The following PXN variants were observed in gnomAD, a reference collection of about 807,000 sequenced individuals.
PXN encodes testicular tissue protein Li 134.
A neutral mutation model predicts 103.6 loss-of-function variants in PXN; 61 were observed. That is an observed-to-expected ratio of 0.59 (90% CI 0.48 to 0.73). The LOEUF is 0.73. Ranked by LOEUF, PXN falls within the 30% of genes least tolerant of loss-of-function variation. The pLI is 0.00. For missense variants in PXN, 1,274 were observed against 1,460.3 expected, an observed-to-expected ratio of 0.87 and a Z score of 2.08; for synonymous variants, 562 against 607.8, an observed-to-expected ratio of 0.92 and a Z score of 1.11.
chr12:120,244,590 G>A (rs538878682), intron 1 of PXN, among the ~76,000 whole-genome samples: 4 of 151,636 alleles, frequency 2.6e-5, no homozygotes, highest in East Asian at 3.9e-4. Flanking sequence ...GGAGCTTGCA[G>A]TGAGCAGAGA....
chr12:120,223,562 G>A (rs992322247), intron 3 of PXN, among the ~76,000 whole-genome samples, 156 bp downstream of exon 3: 4 of 152,178 alleles, frequency 2.6e-5, no homozygotes, highest in African/African-American at 9.7e-5. Flanking sequence ...TGAGGTAGAC[G>A]GGCCCACCGA....
In PXN at chr12:120,222,706, G is replaced by T; in HGVS notation, c.538C>A (p.Leu180Ile). ...CTGTTAGTCTCTGGGACACCATAGA[G>T]GGGGCTCAGGGCCCCAGGAAGCGGG... The part of the protein sequence containing the change: ...SPPLPGALSP[L>I]YGVPETNSPL... Residue 180 changes from leucine to isoleucine, a missense_variant, in exon 5 of 15, where the codon CTC becomes ATC. Physicochemically the swap from Leu to Ile is conservative, Grantham distance 5 (BLOSUM62 2). This residue lies in a region of PXN where 1,178 missense variants were observed against 1,309.0 expected (regional missense o/e 0.90). Coordinates refer to ENST00000637617, the MANE Select transcript of PXN (RefSeq NM_001385981.1). This position sits in a 1 kb window ranked among gnomAD's most constrained non-coding sequence, Gnocchi z 4.7. 2 of 1,609,814 alleles carry T rather than the reference G, an allele frequency of 1.2e-6. No individual in the cohort carries two copies. The highest frequency in any genetic ancestry group is 1.7e-6 in the Non-Finnish European group (2 of 1,178,230).
chr12:120,229,210 C>T lies in PXN; in HGVS notation c.14-4833G>A, dbSNP rs1294015433. On this transcript the variant is annotated intron_variant, in intron 1 of 14. Coordinates refer to ENST00000637617, the MANE Select transcript of PXN (RefSeq NM_001385981.1). This position sits in a 1 kb window ranked among gnomAD's most constrained non-coding sequence, Gnocchi z 4.0. ...CTGGGGACCCCGGTTGATCCACTGA[C>T]GCATGGCACTCAATATCAGATTAAA... is the stretch of plus-strand genomic sequence containing the variant. 3.9e-5 allele frequency among the ~76,000 whole-genome samples: 6 copies of T among 152,316 alleles called. No homozygotes were observed. Among genetic ancestry groups the T allele is most frequent in the South Asian group, 2.1e-4 (1 of 4,830 alleles).
At position 120,221,609 on chromosome 12, in the gene PXN, G is replaced by A. The variant is rs201011607; in HGVS notation, c.831+14C>T. ...GGGCGGCAGGGCAGGGAAGATGGAGGGTTCACAGGGCACCTTGAAATCCGA... is the reference window on the plus strand; with the variant it reads ...GGGCGGCAGGGCAGGGAAGATGGAGAGTTCACAGGGCACCTTGAAATCCGA... On this transcript the variant is annotated intron_variant, in intron 6 of 14. Coordinates refer to ENST00000637617, the MANE Select transcript of PXN (RefSeq NM_001385981.1). This position sits in a 1 kb window ranked among gnomAD's most constrained non-coding sequence, Gnocchi z 6.6. The A allele has an allele frequency of 3.9e-6, 6 of 1,557,278 alleles. No homozygotes were observed. Among genetic ancestry groups the A allele is most frequent in the Non-Finnish European group, 5.2e-6 (6 of 1,150,484 alleles).
At chr12:120,231,602 A>C (rs1053922811) in intron 1 of PXN, among the ~76,000 whole-genome samples, 3 of 152,150 alleles carry the variant, frequency 2.0e-5, no homozygotes, top group African/African-American at 7.2e-5. Flanking sequence ...GTTCTTCCCC[A>C]GGCTTCCTAC....
chr12:120,212,846 G>C lies in PXN; in HGVS notation c.2980-266C>G. The C allele has an allele frequency of 2.7e-6, 1 of 371,584 alleles. No individual in the cohort carries two copies. The highest frequency in any genetic ancestry group is 4.3e-5 in the Admixed American group (1 of 23,254). The allele number at this position is 371,584 out of a possible 1,614,324, so 23.0% of individuals were successfully genotyped here. ...TCCTCCCACCTCGGCCTCCCACAGG[G>C]CTGGGATTATTTAGTTCTCCCAACA... On this transcript the variant is annotated intron_variant, in intron 14 of 14. Coordinates refer to ENST00000637617, the MANE Select transcript of PXN (RefSeq NM_001385981.1). The surrounding 1 kb of genome is among the most constrained non-coding windows in gnomAD (Gnocchi z 7.2).
chr12:120,239,067 A>G (rs1183366839), intron 1 of PXN, among the ~76,000 whole-genome samples: 1 of 152,234 alleles, frequency 6.6e-6, no homozygotes, highest in African/African-American at 2.4e-5. Flanking sequence ...TCAGACAGGA[A>G]ATGGTCACCA....
chr12:120,241,142 G>A (rs1050418707), intron 1 of PXN, among the ~76,000 whole-genome samples: 1 of 152,194 alleles, frequency 6.6e-6, no homozygotes, highest in Non-Finnish European at 1.5e-5. Context: ...GCCCAAAGGG[G>A]TTGGGAATCT....
rs74621155 is a variant in PXN, at chr12:120,229,142, C to G, written c.14-4765G>C. 6.6e-6 allele frequency among the ~76,000 whole-genome samples: 1 copy of G among 152,162 alleles called. No individual in the cohort carries two copies. The highest frequency in any genetic ancestry group is 1.9e-4 in the East Asian group (1 of 5,204). ...GCTCCGGGTGGAAGGAAACCTGGGTCCCCTTGTACCTACAATGGGGGGATG... is the reference window on the plus strand; with the variant it reads ...GCTCCGGGTGGAAGGAAACCTGGGTGCCCTTGTACCTACAATGGGGGGATG... On this transcript the variant is annotated intron_variant, in intron 1 of 14. Coordinates refer to ENST00000637617, the MANE Select transcript of PXN (RefSeq NM_001385981.1). The surrounding 1 kb of genome is among the most constrained non-coding windows in gnomAD (Gnocchi z 4.0).
At chr12:120,264,634 T>C (rs185329505) in intron 1 of PXN, among the ~76,000 whole-genome samples, 2 of 152,260 alleles carry the variant, frequency 1.3e-5, no homozygotes, top group Admixed American at 6.5e-5. Context: ...AGGAAAACAG[T>C]AAAACTCTGT....
intron 1 of PXN, among the ~76,000 whole-genome samples, chr12:120,241,381 T>C (rs1457478940): frequency 6.6e-6 from 1 of 152,230 alleles, no homozygotes; most frequent in Non-Finnish European, 1.5e-5. Flanking sequence ...ACAAAACAGA[T>C]GTGGCCTCGC....
At chr12:120,242,148 C>T (rs1425297520) in intron 1 of PXN, among the ~76,000 whole-genome samples, 1 of 152,074 alleles carries the variant, frequency 6.6e-6, no homozygotes, top group Non-Finnish European at 1.5e-5. Context: ...GGCCCAAGGA[C>T]GTTTTTCTCT....
rs1366100133 is a variant in PXN at position 120,222,505 on chromosome 12, G to A, written c.695+44C>T. On this transcript the variant is annotated intron_variant, in intron 5 of 14. Transcript: ENST00000637617. This position sits in a 1 kb window ranked among gnomAD's most constrained non-coding sequence, Gnocchi z 4.7. ...ACAGACACTGGACCCGGGGCAGGCT[G>A]GGCCAGCCCTTCCCCACCTGGGGAG... The A allele has an allele frequency of 1.3e-6, 2 of 1,539,462 alleles. No individual in the cohort carries two copies. The highest frequency in any genetic ancestry group is 2.4e-5 in the East Asian group (1 of 41,460).
At position 120,224,445 on chromosome 12, in the gene PXN, T is replaced by C; in HGVS notation, c.14-68A>G. 2 of 1,120,598 alleles carry C rather than the reference T, an allele frequency of 1.8e-6. No homozygotes were observed. Among genetic ancestry groups the C allele is most frequent in the Non-Finnish European group, 1.4e-6 (1 of 733,352 alleles). The allele number at this position is 1,120,598 out of a possible 1,614,324, so 69.4% of individuals were successfully genotyped here. On this transcript the variant is annotated intron_variant, in intron 1 of 14. Coordinates refer to ENST00000637617, the MANE Select transcript of PXN (RefSeq NM_001385981.1). The surrounding 1 kb of genome is among the most constrained non-coding windows in gnomAD (Gnocchi z 5.0). ...TGGGGACTCTCCCGTGGCAGGGCCC[T>C]CCCTGCCTGCACCTCAAGAGTTAAT...
chr12:120,244,394 C>A (rs181217128), intron 1 of PXN, among the ~76,000 whole-genome samples: 28 of 151,988 alleles, frequency 1.8e-4, no homozygotes, highest in Non-Finnish European at 2.4e-4. Context: ...CGCCTGTAAT[C>A]CCAGCACTTT....
intron 1 of PXN, among the ~76,000 whole-genome samples, chr12:120,247,982 C>T (rs922993944): frequency 6.6e-6 from 1 of 152,096 alleles, no homozygotes; most frequent in Non-Finnish European, 1.5e-5. Context: ...TGTACACCCA[C>T]TCAACAACAG....
At position 120,220,052 on chromosome 12, in the gene PXN, A is replaced by G; in HGVS notation, c.871T>C (p.Ser291Pro). 6.9e-7 allele frequency: 1 copy of G among 1,455,542 alleles called. No homozygotes were observed. Among genetic ancestry groups the G allele is most frequent in the Non-Finnish European group, 9.3e-7 (1 of 1,071,986 alleles). 90.2% of individuals were successfully genotyped at this position (1,455,542 alleles called of 1,614,324 possible). ...CAGTATGAGGACGGAGCAGAGCTGGACAGCCCCGGGGCACTCAGAGCCACA... is the reference window on the plus strand; with the variant it reads ...CAGTATGAGGACGGAGCAGAGCTGGGCAGCCCCGGGGCACTCAGAGCCACA... ...STVALSAPGL[S>P]SSAPSSYCSL... The change falls in exon 7 of 15, where the codon TCC (serine) becomes CCC (proline). Residue 291 changes from serine to proline, a missense_variant. Ser to Pro is a moderately conservative substitution (Grantham distance 74). This residue lies in a region of PXN where 1,178 missense variants were observed against 1,309.0 expected (regional missense o/e 0.90). Transcript: ENST00000637617. The surrounding 1 kb of genome is among the most constrained non-coding windows in gnomAD (Gnocchi z 6.1).
chr12:120,249,594 G>C (rs1182374188), intron 1 of PXN, among the ~76,000 whole-genome samples: 1 of 152,182 alleles, frequency 6.6e-6, no homozygotes, highest in Non-Finnish European at 1.5e-5. Flanking sequence ...CTGTCTCCTG[G>C]TCACTGTTCC....
chr12:120,243,380 T>C (rs1890492177), intron 1 of PXN, among the ~76,000 whole-genome samples: 1 of 152,166 alleles, frequency 6.6e-6, no homozygotes, highest in African/African-American at 2.4e-5. Flanking sequence ...TTCTAAATGT[T>C]GAGGTTCTAT....
Sources: gnomAD v4.1 joint callset for allele counts (sites outside exome capture counted in the v4.1 genomes callset) on GRCh38, gnomAD v4.1.1 for gene constraint, gnomAD v4.1.1 regional missense constraint, Gnocchi (gnomAD v3.1) non-coding constraint, MANE v1.5 for transcripts, NCBI Gene and HGNC (gene_info 2026-07-23, HGNC 2026-07-21) for gene names.